The following ATXN1 variants were observed in gnomAD, a reference collection of about 807,000 sequenced individuals.
The protein encoded by ATXN1 is ataxin-1.
Under a neutral mutation model 56.4 loss-of-function variants are expected in ATXN1, and 8 were observed. That is an observed-to-expected ratio of 0.14 (90% CI 0.08 to 0.26). The LOEUF (loss-of-function observed/expected upper bound fraction) is 0.26, where lower values mean the gene tolerates loss of function less well. Ranked by LOEUF, ATXN1 falls within the 10% of genes least tolerant of loss-of-function variation. The probability of loss-of-function intolerance (pLI) is 1.00; values close to 1 mark genes in which losing one functional copy is unlikely to be tolerated. For missense variants in ATXN1, 987 were observed against 1,106.5 expected, an observed-to-expected ratio of 0.89 and a Z score of 1.53; for synonymous variants, 514 against 494.6, an observed-to-expected ratio of 1.04 and a Z score of -0.52.
In ATXN1 at chr6:16,303,921, T is replaced by G. The variant is rs1760176279; in HGVS notation, c.*2408A>C. On this transcript the variant is annotated 3_prime_UTR_variant, in exon 8 of 8. Coordinates refer to ENST00000436367, the MANE Select transcript of ATXN1 (RefSeq NM_001128164.2). This position sits in a 1 kb window ranked among gnomAD's most constrained non-coding sequence, Gnocchi z 4.3. ...TATATGGAAGATTAAGCAAGTTCTC[T>G]GAACAGAAACGTTTAAAAAATACAG... 6.6e-6 allele frequency: 1 copy of G among 152,664 alleles called. No individual in the cohort carries two copies. The highest frequency in any genetic ancestry group is 6.5e-5 in the Admixed American group (1 of 15,280). The allele number at this position is 152,664 out of a possible 1,614,324, so 9.5% of individuals were successfully genotyped here.
At chr6:16,732,212 A>C (rs1226486962) in intron 2 of ATXN1, among the ~76,000 whole-genome samples, 2 of 152,162 alleles carry the variant, frequency 1.3e-5, no homozygotes, top group Non-Finnish European at 2.9e-5. Flanking sequence ...GCAGACGCAC[A>C]TGGTCACACT....
At chr6:16,704,333 C>A (rs1471323994) in intron 2 of ATXN1, among the ~76,000 whole-genome samples, 3 of 146,024 alleles carry the variant, frequency 2.1e-5, no homozygotes, top group African/African-American at 5.3e-5. Flanking sequence ...AACCCCCTTT[C>A]CCCCCAAGAT....
chr6:16,548,092 G>C (rs1391489348), intron 4 of ATXN1, among the ~76,000 whole-genome samples: 2 of 152,104 alleles, frequency 1.3e-5, no homozygotes, highest in Non-Finnish European at 2.9e-5. Context: ...AGGCTACATG[G>C]TACAATGTAT....
chr6:16,342,640 AC>A (rs1474923638), intron 6 of ATXN1, among the ~76,000 whole-genome samples: 3 of 152,228 alleles, frequency 2.0e-5, no homozygotes, highest in African/African-American at 7.2e-5. Context: ...AGATGAATAA[AC>A]TTTAAAAATG....
intron 3 of ATXN1, among the ~76,000 whole-genome samples, chr6:16,648,927 G>C (rs1006745789): frequency 1.3e-5 from 2 of 151,578 alleles, no homozygotes; most frequent in African/African-American, 4.8e-5. Context: ...AGCATTAATA[G>C]GAAAAAACTC....
chr6:16,324,803 T>A (rs1315309369), intron 7 of ATXN1, among the ~76,000 whole-genome samples: 1 of 152,164 alleles, frequency 6.6e-6, no homozygotes. Context: ...TAACCATACT[T>A]CCAGTGACTC....
At chr6:16,569,769 T>C (rs565720994) in intron 4 of ATXN1, among the ~76,000 whole-genome samples, 5 of 152,254 alleles carry the variant, frequency 3.3e-5, no homozygotes, top group South Asian at 2.1e-4. Context: ...TTACCTGCAG[T>C]TGACTATGTC....
At chr6:16,503,309 G>A (rs544230989) in intron 5 of ATXN1, among the ~76,000 whole-genome samples, 1 of 152,150 alleles carries the variant, frequency 6.6e-6, no homozygotes, top group East Asian at 1.9e-4. Flanking sequence ...CCGAGCTGAG[G>A]AGTCTGTACT....
intron 2 of ATXN1, among the ~76,000 whole-genome samples, chr6:16,690,368 C>T (rs1452969811): frequency 6.6e-6 from 1 of 151,662 alleles, no homozygotes; most frequent in Admixed American, 6.6e-5. Context: ...GTTATTCCTC[C>T]TCCACTGGCA....
intron 2 of ATXN1, 118 bp downstream of exon 2, chr6:16,753,115 T>G (rs1286456906): frequency 5.3e-6 from 2 of 377,622 alleles, no homozygotes; most frequent in Non-Finnish European, 1.1e-5. Flanking sequence ...CCAAACAGAG[T>G]TTGCAAAGAA....
At chr6:16,352,212 T>C (rs1243265617) in intron 6 of ATXN1, among the ~76,000 whole-genome samples, 1 of 152,218 alleles carries the variant, frequency 6.6e-6, no homozygotes, top group Non-Finnish European at 1.5e-5. Flanking sequence ...AATAAGGCAG[T>C]GACTGAGTCT....
chr6:16,522,129 T>C (rs747518953), intron 5 of ATXN1, among the ~76,000 whole-genome samples: 1 of 152,172 alleles, frequency 6.6e-6, no homozygotes, highest in Non-Finnish European at 1.5e-5. Flanking sequence ...CTACTCTCCA[T>C]GAAGCCCCAT....
At chr6:16,688,397 T>C (rs1758963741) in intron 2 of ATXN1, among the ~76,000 whole-genome samples, 1 of 152,160 alleles carries the variant, frequency 6.6e-6, no homozygotes, top group Non-Finnish European at 1.5e-5. Context: ...GGTTCTAAGC[T>C]CAACTCCAGA....
chr6:16,746,586 T>C (rs895441521), intron 2 of ATXN1, among the ~76,000 whole-genome samples: 2 of 152,238 alleles, frequency 1.3e-5, no homozygotes, highest in African/African-American at 4.8e-5. Context: ...TTTCCAGTTA[T>C]ACTGCATTCC....
At chr6:16,459,303 T>TC (rs1001340809) in intron 6 of ATXN1, among the ~76,000 whole-genome samples, 4 of 152,130 alleles carry the variant, frequency 2.6e-5, no homozygotes, top group African/African-American at 9.7e-5. Context: ...GCCCACCCAG[T>TC]CCAAATCAGG....
chr6:16,360,348 T>C (rs1761783792), intron 6 of ATXN1, among the ~76,000 whole-genome samples: 1 of 152,230 alleles, frequency 6.6e-6, no homozygotes, highest in South Asian at 2.1e-4. Flanking sequence ...ACATCGGAAA[T>C]GTGTTTTCCA....
rs188002482 is a variant in ATXN1, at chr6:16,704,640, G to T, written c.-614-46739C>A. Among the ~76,000 whole-genome samples the T allele has an allele frequency of 2.0e-5, 3 of 152,134 alleles. No individual in the cohort carries two copies. The East Asian group carries it at 5.8e-4, about 29-fold the overall frequency. On this transcript the variant is annotated intron_variant, in intron 2 of 7. Coordinates refer to ENST00000436367, the MANE Select transcript of ATXN1 (RefSeq NM_001128164.2). ...ACTTTTTTACTTTTCCTTTGAAGCCGCAGTGCAATGTGATTCTACACCCGG... is the reference window on the plus strand; with the variant it reads ...ACTTTTTTACTTTTCCTTTGAAGCCTCAGTGCAATGTGATTCTACACCCGG...
intron 2 of ATXN1, among the ~76,000 whole-genome samples, chr6:16,743,968 C>T (rs1760435148): frequency 6.6e-6 from 1 of 152,126 alleles, no homozygotes; most frequent in Non-Finnish European, 1.5e-5. Flanking sequence ...TAGACTTTAT[C>T]CTGAGGACCA....
chr6:16,692,496 T>G (rs539649405), intron 2 of ATXN1, among the ~76,000 whole-genome samples: 1 of 152,350 alleles, frequency 6.6e-6, no homozygotes, highest in Admixed American at 6.5e-5. Flanking sequence ...TCAAAAGATT[T>G]GTCTATTTTA....
Sources: gnomAD v4.1 joint callset for allele counts (sites outside exome capture counted in the v4.1 genomes callset) on GRCh38, gnomAD v4.1.1 for gene constraint, Gnocchi (gnomAD v3.1) non-coding constraint, MANE v1.5 for transcripts, NCBI Gene and HGNC (gene_info 2026-07-23, HGNC 2026-07-21) for gene names.